Variants in MLLT10 observed in about 807,000 individuals in gnomAD.
MLLT10 encodes protein AF-10.
Under a neutral mutation model 129.1 loss-of-function variants are expected in MLLT10, and 30 were observed. The observed-to-expected ratio is 0.23, with a 90% CI of 0.17 to 0.32. The LOEUF (loss-of-function observed/expected upper bound fraction) is 0.32. Among genes scored for constraint, MLLT10 ranks in the 10% least tolerant of loss-of-function variants. MLLT10 has a pLI of 1.00. For synonymous variants in MLLT10, 490 were observed against 446.4 expected (o/e 1.10, Z -1.23); for missense variants, 1,119 against 1,268.3 (o/e 0.88, Z 1.79).
chr10:21,565,281 C>G (rs1406488534), intron 3 of MLLT10, among the ~76,000 whole-genome samples: 2 of 151,832 alleles, frequency 1.3e-5, no homozygotes, highest in African/African-American at 2.4e-5. Flanking sequence ...TTCTTGTACA[C>G]AAAATAGTGT....
intron 3 of MLLT10, chr10:21,541,393 T>C (rs537634085): frequency 2.9e-4 from 44 of 151,966 alleles, no homozygotes; most frequent in Admixed American, 2.9e-3. Context: ...GCTAATTTTT[T>C]AATTTTATTT....
intron 3 of MLLT10, among the ~76,000 whole-genome samples, chr10:21,542,524 C>T (rs973367229): frequency 1.3e-5 from 2 of 152,168 alleles, no homozygotes; most frequent in African/African-American, 2.4e-5. Flanking sequence ...GAGCTGAGAT[C>T]GTGCCATTGC....
At chr10:21,720,547 G>A (rs1157817646) in intron 14 of MLLT10, among the ~76,000 whole-genome samples, 1 of 152,174 alleles carries the variant, frequency 6.6e-6, no homozygotes, top group Non-Finnish European at 1.5e-5. Context: ...CAAATATATT[G>A]TGTTCCCAAA....
At chr10:21,575,424 C>G (rs1418052052) in intron 3 of MLLT10, among the ~76,000 whole-genome samples, 3 of 152,080 alleles carry the variant, frequency 2.0e-5, no homozygotes, top group Non-Finnish European at 4.4e-5. Flanking sequence ...CTTGAACTTG[C>G]GACCTCAGAT....
At chr10:21,577,660 G>A (rs1480136896) in intron 3 of MLLT10, among the ~76,000 whole-genome samples, 1 of 151,766 alleles carries the variant, frequency 6.6e-6, no homozygotes, top group African/African-American at 2.4e-5. Context: ...TTGTAGAGAT[G>A]GGGTTTCACT....
At chr10:21,562,805 C>CTTTTTT (rs1564415882) in intron 3 of MLLT10, among the ~76,000 whole-genome samples, 1 of 112,258 alleles carries the variant, frequency 8.9e-6, no homozygotes, top group African/African-American at 3.8e-5. Context: ...CTTACATATA[C>CTTTTTT]TTTGTTTTTT....
At chr10:21,640,566 G>A (rs550226263) in intron 8 of MLLT10, among the ~76,000 whole-genome samples, 1 of 151,990 alleles carries the variant, frequency 6.6e-6, no homozygotes, top group Non-Finnish European at 1.5e-5. Flanking sequence ...AAGAAGGCCA[G>A]ATAAAATCTG....
At position 21,620,413 on chromosome 10, in the gene MLLT10, A is replaced by G. The variant is rs558816962; in HGVS notation, c.699+3206A>G. On this transcript the variant is annotated intron_variant, in intron 8 of 22. Transcript: ENST00000307729. ...CTGTACACTGGTATGAAAACTATGC[A>G]TTTATTGTGCTTCTAGATTTACCAT... Among the ~76,000 whole-genome samples, 3 of 152,324 alleles carry G rather than the reference A, an allele frequency of 2.0e-5. No homozygotes were observed. In the East Asian group the frequency reaches 5.8e-4, roughly 29 times the overall value.
At position 21,733,729 on chromosome 10, in the gene MLLT10, A is replaced by C. The variant is rs779903963; in HGVS notation, c.2497-39A>C. ...CTCTTCTTTCTTACGCTGGGACTTA[A>C]TGTCCAGTGGACTTAGTTTCTCTTC... On this transcript the variant is annotated intron_variant, in intron 19 of 22. Coordinates refer to ENST00000307729, the MANE Select transcript of MLLT10 (RefSeq NM_001195626.3). 4 of 1,563,850 alleles carry C rather than the reference A, an allele frequency of 2.6e-6. No individual in the cohort carries two copies. The South Asian group carries it at 4.9e-5, about 19-fold the overall frequency.
At chr10:21,566,597 G>C (rs117862892) in intron 3 of MLLT10, among the ~76,000 whole-genome samples, 2,747 of 152,192 alleles carry the variant, frequency 0.018, 37 homozygotes, top group Non-Finnish European at 0.027. Flanking sequence ...CAAAGTGCTA[G>C]AATTACAGGC....
intron 14 of MLLT10, among the ~76,000 whole-genome samples, chr10:21,715,693 G>C (rs1369205233): frequency 6.6e-6 from 1 of 152,184 alleles, no homozygotes; most frequent in African/African-American, 2.4e-5. Context: ...GTGAGCCAGG[G>C]GGTTGGCATT....
At position 21,732,067 on chromosome 10, in the gene MLLT10, A is replaced by T. The variant is rs2058014017; in HGVS notation, c.2219-832A>T. On this transcript the variant is annotated intron_variant, in intron 17 of 22. Transcript: ENST00000307729. ...GGGCCCACTAAGGTTTCTTTGTGGG[A>T]TCTTGGAGGGGAGGGATAAAAGTTA... 2.6e-5 allele frequency among the ~76,000 whole-genome samples: 4 copies of T among 152,094 alleles called. No individual in the cohort carries two copies. In the South Asian group the frequency reaches 8.3e-4, roughly 31 times the overall value.
In MLLT10 at chr10:21,726,266, C is replaced by T. The variant is rs181699146; in HGVS notation, c.1901C>T (p.Ser634Phe). The change falls in exon 15 of 23, where the codon TCT becomes TTT. Residue 634 changes from serine (S) to phenylalanine (F), a missense_variant. Physicochemically the swap from Ser to Phe is radical, Grantham distance 155. Coordinates refer to ENST00000307729, the MANE Select transcript of MLLT10 (RefSeq NM_001195626.3). ...TAGGCAAATACTCTATCTGGATCTT[C>T]TCTCAGTCAGGCACCATCTCATATG... ...TTQANTLSGS[S>F]LSQAPSHMYG... 2.4e-5 allele frequency: 38 copies of T among 1,610,892 alleles called. No individual in the cohort carries two copies. In the Admixed American group the frequency reaches 4.0e-4, roughly 17 times the overall value.
intron 14 of MLLT10, among the ~76,000 whole-genome samples, chr10:21,715,428 GC>G (rs1175181702): frequency 6.6e-6 from 1 of 152,198 alleles, no homozygotes; most frequent in East Asian, 1.9e-4. Flanking sequence ...AAGTGAGGTA[GC>G]CATAACAGGG....
intron 14 of MLLT10, among the ~76,000 whole-genome samples, chr10:21,716,122 T>A (rs1418259381): frequency 2.0e-5 from 3 of 152,194 alleles, no homozygotes; most frequent in Non-Finnish European, 4.4e-5. Context: ...AAATGTGAAA[T>A]TTTCTAGGCA....
intron 8 of MLLT10, among the ~76,000 whole-genome samples, chr10:21,631,798 C>G (rs957782267): frequency 6.6e-6 from 1 of 152,192 alleles, no homozygotes; most frequent in South Asian, 2.1e-4. Context: ...AGGTTCCCCC[C>G]CCAACACTTG....
At chr10:21,555,059 G>A (rs1214479489) in intron 3 of MLLT10, among the ~76,000 whole-genome samples, 6 of 151,898 alleles carry the variant, frequency 4.0e-5, no homozygotes, top group Non-Finnish European at 5.9e-5. Flanking sequence ...GACCTCAGGT[G>A]ATCCACCCGC....
At chr10:21,538,136 T>C (rs1049553248) in intron 2 of MLLT10, among the ~76,000 whole-genome samples, 10 of 151,186 alleles carry the variant, frequency 6.6e-5, no homozygotes, top group Middle Eastern at 3.2e-3. Context: ...TGTAGGCACA[T>C]GCCACCGTGC....
At chr10:21,621,170 T>A (rs1422571668) in intron 8 of MLLT10, among the ~76,000 whole-genome samples, 4 of 143,618 alleles carry the variant, frequency 2.8e-5, no homozygotes, top group Non-Finnish European at 6.1e-5. Context: ...TTTTTTTTTT[T>A]TTTTTAGTAG....
Sources: gnomAD v4.1 joint callset for allele counts (sites outside exome capture counted in the v4.1 genomes callset) on GRCh38, gnomAD v4.1.1 for gene constraint, MANE v1.5 for transcripts, NCBI Gene and HGNC (gene_info 2026-07-23, HGNC 2026-07-21) for gene names.